Variants in GAPVD1 observed in about 807,000 individuals in gnomAD.
GAPVD1 encodes the protein GTPase-activating protein and VPS9 domain-containing protein 1.
GAPVD1 carries 35 observed loss-of-function variants against 155.5 expected under a neutral mutation model. The observed-to-expected ratio is 0.23, with a 90% CI of 0.17 to 0.30. GAPVD1 has a LOEUF of 0.30. Among genes scored for constraint, GAPVD1 ranks in the 10% least tolerant of loss-of-function variants. The probability of loss-of-function intolerance (pLI) is 1.00; values close to 1 mark genes in which losing one functional copy is unlikely to be tolerated. For synonymous variants in GAPVD1, 636 were observed against 619.7 expected, an observed-to-expected ratio of 1.03 and a Z score of -0.39; for missense variants, 1,429 against 1,775.7, an observed-to-expected ratio of 0.80 and a Z score of 3.51.
chr9:125,322,970 T>A (rs1844568783), intron 10 of GAPVD1, among the ~76,000 whole-genome samples: 1 of 150,316 alleles, frequency 6.7e-6, no homozygotes, highest in Non-Finnish European at 1.5e-5. Flanking sequence ...GGAGAATTGC[T>A]TGAACCAGGG....
rs1424163954 is a variant in GAPVD1, at chr9:125,263,834, G to A, written c.-199+1875G>A. The A allele has an allele frequency of 2.6e-6, 3 of 1,165,956 alleles. No individual in the cohort carries two copies. The Admixed American group carries it at 5.0e-5, about 20-fold the overall frequency. The allele number at this position is 1,165,956 out of a possible 1,614,324, so 72.2% of individuals were successfully genotyped here. A position where few individuals can be genotyped will look rare whatever the true frequency, so the allele number is the denominator to read the frequency against. ...GGACAGCTATGGCGTAGGGTAGCAG[G>A]TACAGTCTCCGGGGGGCAGATGAAG... On this transcript the variant is annotated intron_variant, in intron 1 of 27. Transcript: ENST00000297933.
chr9:125,322,213 C>T (rs975078668), intron 10 of GAPVD1, among the ~76,000 whole-genome samples: 8 of 152,028 alleles, frequency 5.3e-5, no homozygotes, highest in Non-Finnish European at 4.4e-5. Flanking sequence ...TACAGGCACC[C>T]GCCACCACGC....
chr9:125,268,696 C>G (rs905354149), intron 1 of GAPVD1, among the ~76,000 whole-genome samples: 14 of 151,702 alleles, frequency 9.2e-5, no homozygotes, highest in Admixed American at 4.0e-4. Context: ...TTTTGTTTGA[C>G]CAGACGAGTT....
At chr9:125,324,070 T>C (rs1844784841) in intron 11 of GAPVD1, 147 bp downstream of exon 11, 2 of 646,606 alleles carry the variant, frequency 3.1e-6, no homozygotes, top group Admixed American at 3.0e-5. Context: ...CCTTCAGTTC[T>C]TCAAAATCTA....
intron 1 of GAPVD1, among the ~76,000 whole-genome samples, chr9:125,266,504 G>A (rs1425689412): frequency 5.3e-5 from 8 of 151,780 alleles, no homozygotes; most frequent in African/African-American, 9.7e-5. Flanking sequence ...CAGTAGAGAC[G>A]GGGTTTCACC....
intron 2 of GAPVD1, among the ~76,000 whole-genome samples, chr9:125,269,668 A>C (rs1220494204): frequency 1.5e-5 from 2 of 129,990 alleles, no homozygotes; most frequent in Non-Finnish European, 3.2e-5. Flanking sequence ...CTGGTGATCC[A>C]CCCGCTGTGC....
chr9:125,272,219 T>C (rs1835031427), intron 2 of GAPVD1, among the ~76,000 whole-genome samples: 1 of 152,114 alleles, frequency 6.6e-6, no homozygotes, highest in African/African-American at 2.4e-5. Context: ...AGAAGGGGTT[T>C]CACCATCTTG....
chr9:125,319,328 T>A (rs1843924709), intron 9 of GAPVD1, among the ~76,000 whole-genome samples: 1 of 151,766 alleles, frequency 6.6e-6, no homozygotes, highest in African/African-American at 2.4e-5. Flanking sequence ...GAGCCATCAT[T>A]GCACCACTGC....
At position 125,266,409 on chromosome 9, in the gene GAPVD1, G is replaced by A. The variant is rs976467468; in HGVS notation, c.-198-2527G>A. ...GCTCACTGCAAGCTCTGCCTCCCGA[G>A]TTCACGCCATTCTCCTGCCTCAGCC... On this transcript the variant is annotated intron_variant, in intron 1 of 27. Transcript: ENST00000297933. Among the ~76,000 whole-genome samples the A allele has an allele frequency of 4.0e-5, 6 of 151,898 alleles. No homozygotes were observed. In the South Asian group the frequency reaches 1.2e-3, roughly 31 times the overall value.
In GAPVD1 at chr9:125,265,602, G is replaced by A. The variant is rs538243804; in HGVS notation, c.-198-3334G>A. Among the ~76,000 whole-genome samples the A allele has an allele frequency of 2.7e-5, 4 of 148,812 alleles. No individual in the cohort carries two copies. In the East Asian group the frequency reaches 6.0e-4, roughly 22 times the overall value. On this transcript the variant is annotated intron_variant, in intron 1 of 27. Transcript: ENST00000297933. ...AATTTTTGTATTTTTTTGTAGAGAC[G>A]GGGTTTCACCATATTGGCCAGGCTG...
chr9:125,269,229 G>C (rs1834477789), intron 2 of GAPVD1, among the ~76,000 whole-genome samples: 1 of 151,906 alleles, frequency 6.6e-6, no homozygotes, highest in South Asian at 2.1e-4. Flanking sequence ...TTGCCCAGCT[G>C]AGTCCTTCTT....
intron 22 of GAPVD1, 37 bp downstream of exon 22, chr9:125,350,441 T>G (rs1849128727): frequency 1.5e-6 from 2 of 1,300,690 alleles, no homozygotes; most frequent in Non-Finnish European, 2.2e-6. Flanking sequence ...TTTCCTATGT[T>G]TATGGGTTGC....
chr9:125,267,944 C>T (rs1834241088), intron 1 of GAPVD1, among the ~76,000 whole-genome samples: 1 of 151,984 alleles, frequency 6.6e-6, no homozygotes, highest in African/African-American at 2.4e-5. Flanking sequence ...GGGTGGATCA[C>T]CTGAGGTCAG....
rs1851178266 is a variant in GAPVD1, at chr9:125,363,153, A to G, written c.*407A>G. On this transcript the variant is annotated 3_prime_UTR_variant, in exon 28 of 28. Transcript: ENST00000297933. ...TGCTGTCTTACATTAATGAGCATCTAATGGAAAGAAGGTATGAGTTGCACT... is the reference window on the plus strand; with the variant it reads ...TGCTGTCTTACATTAATGAGCATCTGATGGAAAGAAGGTATGAGTTGCACT... The G allele has an allele frequency of 6.5e-6, 1 of 152,716 alleles. No homozygotes were observed. The highest frequency in any genetic ancestry group is 2.4e-5 in the African/African-American group (1 of 41,460). The allele number at this position is 152,716 out of a possible 1,614,324, so 9.5% of individuals were successfully genotyped here.
chr9:125,296,366 T>TTTTGTTTTTTTTG (rs1839870248), intron 3 of GAPVD1, among the ~76,000 whole-genome samples: 1 of 147,122 alleles, frequency 6.8e-6, no homozygotes, highest in African/African-American at 2.6e-5. Flanking sequence ...AGGTTTTTTT[T>TTTTGTTTTTTTTG]TTTTTTTGAG....
intron 2 of GAPVD1, among the ~76,000 whole-genome samples, chr9:125,288,923 G>T (rs112112934): frequency 2.0e-4 from 30 of 152,262 alleles, no homozygotes; most frequent in African/African-American, 6.5e-4. Context: ...CTTACATAGG[G>T]TGGCCAAACT....
intron 4 of GAPVD1, among the ~76,000 whole-genome samples, chr9:125,301,604 A>G (rs1286190317): frequency 6.6e-6 from 1 of 151,878 alleles, no homozygotes; most frequent in Non-Finnish European, 1.5e-5. Flanking sequence ...GCCTGCCACC[A>G]TGCCTGGCTA....
intron 2 of GAPVD1, among the ~76,000 whole-genome samples, chr9:125,280,993 T>C (rs1050349323): frequency 4.6e-5 from 7 of 152,194 alleles, no homozygotes; most frequent in African/African-American, 1.4e-4. Context: ...CTTCGATTGA[T>C]CAGAAATTAG....
rs749204350 is a variant in GAPVD1 at position 125,331,911 on chromosome 9, T to C, written c.2174-15T>C. The C allele has an allele frequency of 2.5e-6, 4 of 1,613,554 alleles. No individual in the cohort carries two copies. Among genetic ancestry groups the C allele is most frequent in the Middle Eastern group, 1.7e-4 (1 of 6,040 alleles). ...GAGAATCACAAATGTAACATACCTC[T>C]TATCTTCTATTTAGAGGCCCCAGAC... On this transcript the variant is annotated splice_polypyrimidine_tract_variant and intron_variant, in intron 13 of 27. Coordinates refer to ENST00000297933, the MANE Select transcript of GAPVD1 (RefSeq NM_001282680.3).
Sources: allele counts gnomAD v4.1 joint callset (sites outside exome capture counted in the v4.1 genomes callset), GRCh38; gene constraint gnomAD v4.1.1; transcripts MANE v1.5; gene names NCBI Gene and HGNC (gene_info 2026-07-23, HGNC 2026-07-21).